The following PPP1R12B variants were observed in gnomAD, a reference collection of about 807,000 sequenced individuals.
The protein encoded by PPP1R12B is myosin phosphatase target subunit 2.
In PPP1R12B, 76 loss-of-function variants were observed where a neutral mutation model predicts 126.1. The observed-to-expected ratio is 0.60, with a 90% CI of 0.50 to 0.73. PPP1R12B has a LOEUF of 0.73. Among genes scored for constraint, PPP1R12B ranks in the 30% least tolerant of loss-of-function variants. The pLI is 0.00. For synonymous variants in PPP1R12B, 356 were observed against 434.7 expected, an observed-to-expected ratio of 0.82 and a Z score of 2.25; for missense variants, 1,052 against 1,205.1, an observed-to-expected ratio of 0.87 and a Z score of 1.88.
At chr1:202,472,628 G>C (rs1213753898) in intron 13 of PPP1R12B, among the ~76,000 whole-genome samples, 1 of 152,176 alleles carries the variant, frequency 6.6e-6, no homozygotes, top group Non-Finnish European at 1.5e-5. Flanking sequence ...CAAATGTTCA[G>C]ATGGAAAAGA....
intron 11 of PPP1R12B, among the ~76,000 whole-genome samples, chr1:202,441,601 G>T (rs1182131590): frequency 6.6e-6 from 1 of 152,178 alleles, no homozygotes; most frequent in Non-Finnish European, 1.5e-5. Flanking sequence ...AGAGAACCTT[G>T]TGAAGCATGG....
chr1:202,470,033 C>A (rs942083758), intron 13 of PPP1R12B, among the ~76,000 whole-genome samples: 6 of 152,170 alleles, frequency 3.9e-5, no homozygotes, highest in African/African-American at 1.2e-4. Flanking sequence ...CAGATACCCC[C>A]TTTTTCCCCA....
chr1:202,406,893 G>T (rs1189659001), intron 1 of PPP1R12B, among the ~76,000 whole-genome samples: 1 of 152,260 alleles, frequency 6.6e-6, no homozygotes, highest in East Asian at 1.9e-4. Flanking sequence ...TGAGCTGAAA[G>T]AAAGTCATAC....
In PPP1R12B at chr1:202,471,998, G is replaced by A. The variant is rs1267380741; in HGVS notation, c.1851-16535G>A. On this transcript the variant is annotated intron_variant, in intron 13 of 23. Coordinates refer to ENST00000608999, the MANE Select transcript of PPP1R12B (RefSeq NM_002481.4). ...GGCTAAAGACCGTGGTGATTTTATA[G>A]CATCCTGGGCATTTCACATCCATGA... is the stretch of plus-strand genomic sequence containing the variant. 3 of 1,595,574 alleles carry A rather than the reference G, an allele frequency of 1.9e-6. No homozygotes were observed. In the African/African-American group the frequency reaches 4.0e-5, roughly 21 times the overall value.
intron 1 of PPP1R12B, among the ~76,000 whole-genome samples, chr1:202,395,425 A>G (rs771792715): frequency 5.3e-5 from 8 of 152,164 alleles, no homozygotes; most frequent in Non-Finnish European, 1.0e-4. Context: ...TCATTCATCA[A>G]AGACTTAGCT....
At chr1:202,518,556 A>T (rs1682408612) in intron 18 of PPP1R12B, among the ~76,000 whole-genome samples, 1 of 152,252 alleles carries the variant, frequency 6.6e-6, no homozygotes, top group African/African-American at 2.4e-5. Context: ...AAGTAGATAC[A>T]CAATTGTATA....
At chr1:202,473,519 T>A (rs1350752810) in intron 13 of PPP1R12B, among the ~76,000 whole-genome samples, 2 of 152,236 alleles carry the variant, frequency 1.3e-5, no homozygotes, top group Admixed American at 1.3e-4. Context: ...GCAGATGAAA[T>A]AGGATCCAGA....
intron 2 of PPP1R12B, 62 bp downstream of exon 2, chr1:202,416,979 C>G: frequency 6.6e-7 from 1 of 1,512,376 alleles, no homozygotes; most frequent in Non-Finnish European, 8.9e-7. Flanking sequence ...CATTTCTCCT[C>G]TATTCTTAGG....
At chr1:202,425,976 G>A (rs938674444) in intron 4 of PPP1R12B, among the ~76,000 whole-genome samples, 4 of 152,164 alleles carry the variant, frequency 2.6e-5, no homozygotes, top group Non-Finnish European at 4.4e-5. Context: ...GGTCCTAGGA[G>A]GGGACTTCTT....
intron 1 of PPP1R12B, among the ~76,000 whole-genome samples, chr1:202,402,477 A>G (rs985896733): frequency 6.6e-6 from 1 of 152,208 alleles, no homozygotes; most frequent in African/African-American, 2.4e-5. Flanking sequence ...TGATGCTTTC[A>G]GGAAAAAACC....
At chr1:202,446,671 G>A (rs140328725) in intron 12 of PPP1R12B, among the ~76,000 whole-genome samples, 1 of 151,184 alleles carries the variant, frequency 6.6e-6, no homozygotes, top group African/African-American at 2.4e-5. Context: ...GCTGCCATTT[G>A]TTGGACCCCA....
In PPP1R12B at chr1:202,348,916, A is replaced by G. The variant is rs557937540; in HGVS notation, c.65A>G (p.Gln22Arg). 2 of 1,609,144 alleles carry G rather than the reference A, an allele frequency of 1.2e-6. No homozygotes were observed. The highest frequency in any genetic ancestry group is 1.3e-5 in the African/African-American group (1 of 74,972). The change falls in exon 1 of 24, where the codon CAG becomes CGG. Residue 22 changes from glutamine (Q) to arginine (R), a missense_variant. Physicochemically the swap from Gln to Arg is conservative, Grantham distance 43. Coordinates refer to ENST00000608999, the MANE Select transcript of PPP1R12B (RefSeq NM_002481.4). ...AESARMRRAE[Q>R]LRRWRGSLTE... ...TCGGCGCGAATGCGGCGGGCAGAGC[A>G]GCTTCGGCGCTGGCGGGGCTCGCTG...
At chr1:202,363,909 C>T (rs574135041) in intron 1 of PPP1R12B, among the ~76,000 whole-genome samples, 6 of 152,184 alleles carry the variant, frequency 3.9e-5, no homozygotes, top group South Asian at 4.2e-4. Context: ...TACAGGCACA[C>T]GCCACCATGC....
intron 1 of PPP1R12B, among the ~76,000 whole-genome samples, chr1:202,385,476 T>G (rs1180808084): frequency 6.6e-6 from 1 of 152,216 alleles, no homozygotes; most frequent in Non-Finnish European, 1.5e-5. Context: ...CATAAAAATC[T>G]TGACATAAAC....
At chr1:202,566,526 A>C (rs1301041215) in intron 21 of PPP1R12B, among the ~76,000 whole-genome samples, 1 of 152,226 alleles carries the variant, frequency 6.6e-6, no homozygotes, top group Non-Finnish European at 1.5e-5. Context: ...GGGAGTCAAC[A>C]TTAAAAACAG....
chr1:202,367,876 TGGTG>T (rs1659517253), intron 1 of PPP1R12B, among the ~76,000 whole-genome samples: 1 of 152,116 alleles, frequency 6.6e-6, no homozygotes, highest in Admixed American at 6.6e-5. Context: ...AGGTGGGACC[TGGTG>T]GGAAGTGTGT....
chr1:202,515,563 G>GT (rs891594755), intron 18 of PPP1R12B, among the ~76,000 whole-genome samples: 15 of 151,722 alleles, frequency 9.9e-5, no homozygotes, highest in Admixed American at 1.3e-4. Context: ...TCTTTTTTTT[G>GT]TTTTTTGTTT....
Position 202,565,017 on chromosome 1 carries a change from G to A in PPP1R12B, c.2757+470G>A, listed in dbSNP as rs1687927839. On this transcript the variant is annotated intron_variant, in intron 21 of 23. Coordinates refer to ENST00000608999, the MANE Select transcript of PPP1R12B (RefSeq NM_002481.4). This position sits in a 1 kb window ranked among gnomAD's most constrained non-coding sequence, Gnocchi z 4.3. Reference sequence around the variant, plus strand: ...GGCCATATAACAAATCAAGGGCAAAGGTGGTGCCACAACATAGGGTTAAGT... The same window carrying A: ...GGCCATATAACAAATCAAGGGCAAAAGTGGTGCCACAACATAGGGTTAAGT... Among the ~76,000 whole-genome samples, 1 of 152,224 alleles carries A rather than the reference G, an allele frequency of 6.6e-6. No homozygotes were observed. The highest frequency in any genetic ancestry group is 2.1e-4 in the South Asian group (1 of 4,832).
At chr1:202,411,385 G>T (rs1400310437) in intron 1 of PPP1R12B, among the ~76,000 whole-genome samples, 1 of 151,848 alleles carries the variant, frequency 6.6e-6, no homozygotes. Context: ...ACCTTAACTG[G>T]GTGCATACTA....
Sources: allele counts gnomAD v4.1 joint callset (sites outside exome capture counted in the v4.1 genomes callset), GRCh38; gene constraint gnomAD v4.1.1; non-coding constraint Gnocchi (gnomAD v3.1); transcripts MANE v1.5; gene names NCBI Gene and HGNC (gene_info 2026-07-23, HGNC 2026-07-21).